GSG1L: variants seen among roughly 807,000 people sequenced by gnomAD.
The protein encoded by GSG1L is germ cell-specific gene 1-like protein.
A neutral mutation model predicts 42.1 loss-of-function variants in GSG1L; 24 were observed. The observed-to-expected ratio is 0.57, with a 90% CI of 0.41 to 0.80. GSG1L has a LOEUF of 0.80. Among genes scored for constraint, GSG1L ranks in the 30% least tolerant of loss-of-function variants. The probability of loss-of-function intolerance (pLI) is 0.00; values close to 1 mark genes in which losing one functional copy is unlikely to be tolerated. For synonymous variants in GSG1L, 215 were observed against 203.5 expected, an observed-to-expected ratio of 1.06 and a Z score of -0.48; for missense variants, 445 against 472.2, an observed-to-expected ratio of 0.94 and a Z score of 0.53.
intron 1 of GSG1L, among the ~76,000 whole-genome samples, chr16:28,034,609 T>C (rs2086011901): frequency 6.6e-6 from 1 of 152,116 alleles, no homozygotes; most frequent in African/African-American, 2.4e-5. Flanking sequence ...TGTCATCCCA[T>C]GGGGTGACAA....
intron 1 of GSG1L, among the ~76,000 whole-genome samples, chr16:27,980,886 C>A (rs1403027244): frequency 9.7e-6 from 1 of 103,128 alleles, no homozygotes; most frequent in African/African-American, 3.9e-5. Context: ...GTCTCAAAAA[C>A]CAAAAACCAA....
intron 3 of GSG1L, among the ~76,000 whole-genome samples, chr16:27,853,632 G>T (rs1398201203): frequency 6.6e-6 from 1 of 152,158 alleles, no homozygotes; most frequent in East Asian, 1.9e-4. Flanking sequence ...GATTACCAGA[G>T]TCATTAGCGT....
rs1266290309 is a variant in GSG1L, at chr16:27,789,134, T to C, written c.*2236A>G. 2.0e-5 allele frequency: 3 copies of C among 152,168 alleles called. No individual in the cohort carries two copies. The highest frequency in any genetic ancestry group is 4.4e-5 in the Non-Finnish European group (3 of 68,024). The allele number at this position is 152,168 out of a possible 1,614,324, so 9.4% of individuals were successfully genotyped here. ...AAGCAATCAATAGAAGATGGATAGATGGATGGATGAATGGATGGATAATTG... is the reference window on the plus strand; with the variant it reads ...AAGCAATCAATAGAAGATGGATAGACGGATGGATGAATGGATGGATAATTG... On this transcript the variant is annotated 3_prime_UTR_variant, in exon 7 of 7. Coordinates refer to ENST00000447459, the MANE Select transcript of GSG1L (RefSeq NM_001109763.2).
chr16:27,801,322 C>T (rs1256523972), intron 6 of GSG1L, among the ~76,000 whole-genome samples: 1 of 152,184 alleles, frequency 6.6e-6, no homozygotes, highest in Admixed American at 6.5e-5. Context: ...CCTTACAGCA[C>T]TGTATTTCTA....
At chr16:27,848,888 T>C (rs1271139770) in intron 3 of GSG1L, among the ~76,000 whole-genome samples, 1 of 151,986 alleles carries the variant, frequency 6.6e-6, no homozygotes, top group Admixed American at 6.6e-5. Context: ...GGAAATGCTG[T>C]AGCAGAGTGA....
chr16:27,989,068 GAAAAGAAAAAAAGA>G (rs1020389994), intron 1 of GSG1L, among the ~76,000 whole-genome samples: 15 of 137,292 alleles, frequency 1.1e-4, no homozygotes, highest in Non-Finnish European at 4.8e-5. Context: ...AAAAAAAAAA[GAAAAGAAAAAAAGA>G]AAAAGAAAGA....
At chr16:27,823,905 C>A (rs749425173) in intron 5 of GSG1L, 1 of 702,924 alleles carries the variant, frequency 1.4e-6, no homozygotes, top group East Asian at 2.7e-5. Flanking sequence ...CTCTGTGCCT[C>A]GATTTGCCAC....
intron 2 of GSG1L, among the ~76,000 whole-genome samples, chr16:27,897,663 C>G (rs1216300227): frequency 1.3e-5 from 2 of 152,214 alleles, no homozygotes; most frequent in African/African-American, 4.8e-5. Flanking sequence ...CTGTGGCCCC[C>G]ACCATGGCCC....
In GSG1L at chr16:27,921,008, G is replaced by A. The variant is rs577212640; in HGVS notation, c.398-36370C>T. Among the ~76,000 whole-genome samples, 12 of 152,206 alleles carry A rather than the reference G, an allele frequency of 7.9e-5. No individual in the cohort carries two copies. The South Asian group carries it at 1.0e-3, about 13-fold the overall frequency. The stretch of plus-strand genomic sequence containing the variant: ...TCTATCAGACGGAATGAAATTAGCC[G>A]AGGTCCCTACCCATTCTAAAATTCT... On this transcript the variant is annotated intron_variant, in intron 2 of 6. Transcript: ENST00000447459.
At chr16:27,979,687 G>GAAAGAAAGAAAGAAAGAAGGAAGGAAGGA (rs778442144) in intron 1 of GSG1L, among the ~76,000 whole-genome samples, 1 of 24,650 alleles carries the variant, frequency 4.1e-5, no homozygotes. Flanking sequence ...GAGAAAGAAA[G>GAAAGAAAGAAAGAAAGAAGGAAGGAAGGA]AAGGAAGGAA....
At chr16:27,981,821 A>G (rs1231243106) in intron 1 of GSG1L, among the ~76,000 whole-genome samples, 3 of 152,228 alleles carry the variant, frequency 2.0e-5, no homozygotes, top group Non-Finnish European at 4.4e-5. Context: ...TTAAAGCTGA[A>G]GAAGCTAAAT....
chr16:27,955,091 T>C (rs2084989804), intron 2 of GSG1L, among the ~76,000 whole-genome samples: 1 of 152,106 alleles, frequency 6.6e-6, no homozygotes, highest in Admixed American at 6.6e-5. Context: ...AACGTGAACA[T>C]CAGATGTTTA....
intron 2 of GSG1L, among the ~76,000 whole-genome samples, chr16:27,931,056 CTT>C (rs1464023144): frequency 6.6e-6 from 1 of 152,114 alleles, no homozygotes; most frequent in Admixed American, 6.5e-5. Context: ...CTGGCCAGCT[CTT>C]TTCTTGAGCT....
At position 27,915,914 on chromosome 16, in the gene GSG1L, C is replaced by T. The variant is rs117316837; in HGVS notation, c.398-31276G>A. ...TCTGCCACTTACCGGGTGGGGCCCT[C>T]GGGCAAATCATTTAACTTTTTTTGC... On this transcript the variant is annotated intron_variant, in intron 2 of 6. Transcript: ENST00000447459. Among the ~76,000 whole-genome samples, 10 of 152,166 alleles carry T rather than the reference C, an allele frequency of 6.6e-5. No individual in the cohort carries two copies. The East Asian group carries it at 1.7e-3, about 26-fold the overall frequency.
intron 1 of GSG1L, among the ~76,000 whole-genome samples, chr16:28,017,758 A>G (rs1567557320): frequency 6.6e-6 from 1 of 152,246 alleles, no homozygotes; most frequent in African/African-American, 2.4e-5. Flanking sequence ...ATGTATTTAG[A>G]TGAAATTCAA....
chr16:27,881,350 T>C (rs2083953201), intron 3 of GSG1L, among the ~76,000 whole-genome samples: 1 of 151,314 alleles, frequency 6.6e-6, no homozygotes, highest in African/African-American at 2.4e-5. Flanking sequence ...CAAGTGATTC[T>C]CCTGCCTCAG....
intron 5 of GSG1L, among the ~76,000 whole-genome samples, chr16:27,811,649 T>C (rs1266484698): frequency 1.3e-5 from 2 of 152,138 alleles, no homozygotes; most frequent in African/African-American, 4.8e-5. Flanking sequence ...CTGGTTTCTT[T>C]TCGTTGTTGT....
intron 3 of GSG1L, among the ~76,000 whole-genome samples, chr16:27,855,939 C>T (rs962757280): frequency 2.6e-5 from 4 of 152,110 alleles, no homozygotes; most frequent in African/African-American, 9.7e-5. Context: ...TGTTTCAGTG[C>T]AGCCTGAAGG....
chr16:27,828,546 T>G (rs562115382), intron 5 of GSG1L, among the ~76,000 whole-genome samples: 1 of 152,378 alleles, frequency 6.6e-6, no homozygotes, highest in East Asian at 1.9e-4. Flanking sequence ...TTGGTTCCCT[T>G]CTGGGTTTCT....
Sources: allele counts gnomAD v4.1 joint callset (sites outside exome capture counted in the v4.1 genomes callset), GRCh38; gene constraint gnomAD v4.1.1; transcripts MANE v1.5; gene names NCBI Gene and HGNC (gene_info 2026-07-23, HGNC 2026-07-21).